The following LRPAP1 variants were observed in gnomAD, a reference collection of about 807,000 sequenced individuals.
LRPAP1 encodes the protein alpha-2-macroglobulin receptor-associated protein.
In LRPAP1, 41 loss-of-function variants were observed where a neutral mutation model predicts 39.9. That is an observed-to-expected ratio of 1.03 (90% CI 0.80 to 1.33). The LOEUF (loss-of-function observed/expected upper bound fraction) is 1.33. LRPAP1 is among the 40% of genes most tolerant of loss of function. The probability of loss-of-function intolerance (pLI) is 0.00; values close to 1 mark genes in which losing one functional copy is unlikely to be tolerated. For synonymous variants in LRPAP1, 263 were observed against 212.7 expected (o/e 1.24, Z -2.06); for missense variants, 565 against 482.3 (o/e 1.17, Z -1.61).
At chr4:3,525,143 G>A (rs1462571759) in intron 1 of LRPAP1, 92 bp from the exon 2 acceptor site, 6 of 1,452,422 alleles carry the variant, frequency 4.1e-6, no homozygotes, top group Non-Finnish European at 5.7e-6. Flanking sequence ...GCCACCGGGA[G>A]GTTCTGGGAG....
At position 3,512,635 on chromosome 4, in the gene LRPAP1, A is replaced by T. The variant is rs1445362000; in HGVS notation, c.*339T>A. ...GTATTTCCGGTGGCAGATGTGTAAG[A>T]TTTTTTATGTAAATCGTGTTGTTTT... On this transcript the variant is annotated 3_prime_UTR_variant, in exon 8 of 8. Transcript: ENST00000650182. 1 of 300,226 alleles carries T rather than the reference A, an allele frequency of 3.3e-6. No individual in the cohort carries two copies. The highest frequency in any genetic ancestry group is 2.1e-5 in the African/African-American group (1 of 46,562). The allele number at this position is 300,226 out of a possible 1,614,324, so 18.6% of individuals were successfully genotyped here.
chr4:3,525,343 T>C (rs575872039), intron 1 of LRPAP1, among the ~76,000 whole-genome samples: 1 of 152,212 alleles, frequency 6.6e-6, no homozygotes, highest in African/African-American at 2.4e-5. Flanking sequence ...CACCCCACCC[T>C]AGCACCTGAG....
At chr4:3,520,306 A>G (rs889771528) in intron 2 of LRPAP1, 113 bp from the exon 3 acceptor site, 3 of 1,139,388 alleles carry the variant, frequency 2.6e-6, no homozygotes, top group South Asian at 2.9e-5. Context: ...ATTTTCCAGT[A>G]GTTTCCTTTC....
At position 3,514,748 on chromosome 4, in the gene LRPAP1, G is replaced by A. The variant is rs368651014; in HGVS notation, c.1011+4C>T. The A allele has an allele frequency of 1.2e-5, 19 of 1,596,848 alleles. No homozygotes were observed. The African/African-American group carries it at 1.2e-4, about 10-fold the overall frequency. On this transcript the variant is annotated splice_donor_region_variant and intron_variant, in intron 7 of 7. Transcript: ENST00000650182. ...GCCTCCCCGGTCCTGGAACCCGTGCGCACCGTGTAGCCCAGCTCCTTGGTC... is the reference window on the plus strand; with the variant it reads ...GCCTCCCCGGTCCTGGAACCCGTGCACACCGTGTAGCCCAGCTCCTTGGTC...
chr4:3,525,685 C>T (rs1730059642), intron 1 of LRPAP1, among the ~76,000 whole-genome samples: 1 of 152,192 alleles, frequency 6.6e-6, no homozygotes, highest in South Asian at 2.1e-4. Context: ...AGGAACTTCC[C>T]CGCCCCACCC....
intron 1 of LRPAP1, among the ~76,000 whole-genome samples, chr4:3,527,275 G>A (rs1257158620): frequency 2.0e-5 from 3 of 148,906 alleles, no homozygotes; most frequent in Non-Finnish European, 3.0e-5. Context: ...GCTCCACCCC[G>A]TGCCCCTCTG....
chr4:3,521,176 C>T (rs551513577), intron 2 of LRPAP1, among the ~76,000 whole-genome samples: 6 of 152,152 alleles, frequency 3.9e-5, no homozygotes, highest in African/African-American at 7.2e-5. Flanking sequence ...CTTGCCTGCC[C>T]GCCCTTTCCT....
In LRPAP1 at chr4:3,520,205, G is replaced by A. The variant is rs543465882; in HGVS notation, c.350-12C>T. The stretch of plus-strand genomic sequence containing the variant: ...CTTGGCCAAGATGACTAGGAGAGAG[G>A]GGAGGTTCTATTTGATATGGTTTCC... On this transcript the variant is annotated splice_polypyrimidine_tract_variant and intron_variant, in intron 2 of 7. Coordinates refer to ENST00000650182, the MANE Select transcript of LRPAP1 (RefSeq NM_002337.4). 3 of 1,611,358 alleles carry A rather than the reference G, an allele frequency of 1.9e-6. No homozygotes were observed. The East Asian group carries it at 6.7e-5, about 36-fold the overall frequency.
intron 1 of LRPAP1, among the ~76,000 whole-genome samples, chr4:3,528,026 C>T (rs1042492373): frequency 2.0e-5 from 3 of 152,194 alleles, no homozygotes; most frequent in Admixed American, 6.5e-5. Flanking sequence ...GTGTGGCTGC[C>T]AGTGCTCAGC....
At chr4:3,515,533 C>T (rs955778128) in intron 6 of LRPAP1, among the ~76,000 whole-genome samples, 7 of 152,152 alleles carry the variant, frequency 4.6e-5, no homozygotes, top group Non-Finnish European at 8.8e-5. Flanking sequence ...ACCTCCCTCC[C>T]AACAGACACC....
intron 1 of LRPAP1, among the ~76,000 whole-genome samples, chr4:3,527,112 C>T (rs866396296): frequency 1.4e-5 from 2 of 143,818 alleles, no homozygotes; most frequent in African/African-American, 2.4e-5. Flanking sequence ...AGATGCTCTG[C>T]GCCCCCATCT....
intron 5 of LRPAP1, among the ~76,000 whole-genome samples, chr4:3,517,415 C>T (rs1410220569): frequency 2.0e-5 from 3 of 152,238 alleles, no homozygotes; most frequent in African/African-American, 4.8e-5. Flanking sequence ...CAGTGCCTGG[C>T]GTGCAGCTGG....
chr4:3,515,996 A>G (rs1281567679), intron 6 of LRPAP1, 120 bp downstream of exon 6: 1 of 1,004,906 alleles, frequency 1.0e-6, no homozygotes, highest in East Asian at 2.6e-5. Flanking sequence ...GTTAAGGAAG[A>G]AACTGCGAGA....
At chr4:3,526,703 C>T (rs1449889285) in intron 1 of LRPAP1, among the ~76,000 whole-genome samples, 1 of 152,162 alleles carries the variant, frequency 6.6e-6, no homozygotes, top group Admixed American at 6.5e-5. Flanking sequence ...CCCCACACTC[C>T]GGAACCTCCT....
intron 2 of LRPAP1, among the ~76,000 whole-genome samples, chr4:3,521,401 T>C (rs1729905213): frequency 6.6e-6 from 1 of 152,144 alleles, no homozygotes; most frequent in Admixed American, 6.5e-5. Flanking sequence ...GTGACCCTAC[T>C]GGACAGAACT....
rs745856564 is a variant in LRPAP1 at position 3,532,403 on chromosome 4, G to A, written c.10C>T (p.Arg4Trp). Residue 4 changes from arginine (R) to tryptophan (W), a missense_variant, in exon 1 of 8, where the codon CGG becomes TGG. Arg to Trp is a moderately radical substitution (Grantham distance 101, BLOSUM62 -3). Coordinates refer to ENST00000650182, the MANE Select transcript of LRPAP1 (RefSeq NM_002337.4). ...CCGCGCAGAAACGACCTGACCCTCC[G>A]CGGCGCCATCTTCCTCTGCGACTGG... is the stretch of plus-strand genomic sequence containing the variant. Reference protein sequence around the residue: MAPRRVRSFLRGLP... With the variant: MAPWRVRSFLRGLP... 8 of 1,573,430 alleles carry A rather than the reference G, an allele frequency of 5.1e-6. No individual in the cohort carries two copies. The South Asian group carries it at 8.1e-5, about 16-fold the overall frequency.
chr4:3,504,542 G>C lies in LRPAP1; in HGVS notation c.*8432C>G, dbSNP rs1729293593. On this transcript the variant is annotated 3_prime_UTR_variant, in exon 8 of 8. Transcript: ENST00000650182. The stretch of plus-strand genomic sequence containing the variant: ...AGGTGGGCGGATTGCCTGAGGTCAG[G>C]AGTTCGAGACCAGCCTGGCCAACAT... 1 of 152,166 alleles carries C rather than the reference G, an allele frequency of 6.6e-6. No individual in the cohort carries two copies. The highest frequency in any genetic ancestry group is 2.4e-5 in the African/African-American group (1 of 41,418). The allele number at this position is 152,166 out of a possible 1,614,324, so 9.4% of individuals were successfully genotyped here. A position where few individuals can be genotyped will look rare whatever the true frequency, so the allele number is the denominator to read the frequency against.
chr4:3,516,006 A>C, intron 6 of LRPAP1, 110 bp downstream of exon 6: 1 of 1,094,450 alleles, frequency 9.1e-7, no homozygotes, highest in Non-Finnish European at 1.3e-6. Context: ...AAACTGCGAG[A>C]ATCTTGAGAG....
intron 2 of LRPAP1, among the ~76,000 whole-genome samples, chr4:3,521,642 GCTT>G (rs1342917056): frequency 6.6e-6 from 1 of 152,204 alleles, no homozygotes; most frequent in South Asian, 2.1e-4. Context: ...CGCAGCATGT[GCTT>G]CTTGTGTTCC....
Sources: gnomAD v4.1 joint callset for allele counts (sites outside exome capture counted in the v4.1 genomes callset) on GRCh38, gnomAD v4.1.1 for gene constraint, MANE v1.5 for transcripts, NCBI Gene and HGNC (gene_info 2026-07-23, HGNC 2026-07-21) for gene names.